GFRA3: variants seen among roughly 807,000 people sequenced by gnomAD.
GFRA3 encodes the protein GDNF family receptor alpha-3.
GFRA3 carries 24 observed loss-of-function variants against 40.0 expected under a neutral mutation model. The ratio of observed to expected loss-of-function variants is 0.60; its 90% CI spans 0.43 to 0.84. The LOEUF is 0.84. GFRA3 is among the 40% of genes least tolerant of loss of function. The probability of loss-of-function intolerance (pLI) is 0.00; values close to 1 mark genes in which losing one functional copy is unlikely to be tolerated. For synonymous variants in GFRA3, 203 were observed against 213.5 expected (o/e 0.95, Z 0.43); for missense variants, 405 against 530.6 (o/e 0.76, Z 2.33).
At chr5:138,271,913 T>TGTGTGTGTGTGTG (rs1554111239) in intron 1 of GFRA3, among the ~76,000 whole-genome samples, 2 of 54,328 alleles carry the variant, frequency 3.7e-5, no homozygotes, top group Middle Eastern at 0.017. Context: ...TTTTTTTTTT[T>TGTGTGTGTGTGTG]TGTGTGTGTG....
intron 1 of GFRA3, among the ~76,000 whole-genome samples, chr5:138,266,001 C>CTCAT (rs1561652536): frequency 6.6e-6 from 1 of 152,150 alleles, no homozygotes; most frequent in African/African-American, 2.4e-5. Flanking sequence ...CAGCCAGTAC[C>CTCAT]TCATTGTTCT....
At chr5:138,256,946 CA>C (rs11439851) in intron 4 of GFRA3, among the ~76,000 whole-genome samples, 22 of 132,914 alleles carry the variant, frequency 1.7e-4, no homozygotes, top group Admixed American at 2.3e-4. Flanking sequence ...GACTCTGTCT[CA>C]AAAAAAAAAA....
At chr5:138,267,125 T>G (rs1342945704) in intron 1 of GFRA3, 10 of 195,570 alleles carry the variant, frequency 5.1e-5, no homozygotes, top group African/African-American at 1.9e-4. Context: ...GGTGACTATT[T>G]TTGCTATTCT....
chr5:138,257,465 T>TA (rs1755647837), intron 4 of GFRA3, among the ~76,000 whole-genome samples, 174 bp downstream of exon 4: 1 of 152,330 alleles, frequency 6.6e-6, no homozygotes, highest in African/African-American at 2.4e-5. Flanking sequence ...AAAAAAGACA[T>TA]ATATTCTTTT....
intron 1 of GFRA3, among the ~76,000 whole-genome samples, chr5:138,271,848 G>C (rs1755872850): frequency 7.0e-6 from 1 of 142,880 alleles, no homozygotes; most frequent in South Asian, 2.2e-4. Flanking sequence ...AAAATGCTGG[G>C]ATTATAGGCG....
Position 138,253,904 on chromosome 5 carries a change from T to C in GFRA3, c.890-4A>G, listed in dbSNP as rs1561648212. 2 of 1,613,130 alleles carry C rather than the reference T, an allele frequency of 1.2e-6. No homozygotes were observed. The highest frequency in any genetic ancestry group is 1.1e-5 in the South Asian group (1 of 91,042). The stretch of plus-strand genomic sequence containing the variant: ...AAGTTGGGGGTCATGGCAGTCCCTG[T>C]GAAGAGGGAAAGGGTAGTCAAGGCC... On this transcript the variant is annotated splice_region_variant and splice_polypyrimidine_tract_variant and intron_variant, in intron 5 of 7. Coordinates refer to ENST00000274721, the MANE Select transcript of GFRA3 (RefSeq NM_001496.4).
intron 2 of GFRA3, among the ~76,000 whole-genome samples, chr5:138,262,269 C>T (rs1209818694): frequency 6.6e-6 from 1 of 152,122 alleles, no homozygotes; most frequent in East Asian, 1.9e-4. Flanking sequence ...GAGGAAGGAC[C>T]TTTCCAGAGG....
At position 138,253,767 on chromosome 5, in the gene GFRA3, G is replaced by A. The variant is rs199863001; in HGVS notation, c.1023C>T (p.Leu341=). 4.0e-5 allele frequency: 65 copies of A among 1,613,664 alleles called. 1 individual carries two copies. The highest frequency in any genetic ancestry group is 1.6e-4 in the Middle Eastern group (1 of 6,076). ...LEGFFSHNPC[L]TEAIAAKMRF... ...TGGGAGCAAGTACAGCACACTCACT[G>A]AGGCAGGGGTTGTGGGAGAAGAACC... Residue 341 remains leucine, a splice_region_variant and synonymous_variant, in exon 6 of 8, where the codon CTC becomes CTT. Coordinates refer to ENST00000274721, the MANE Select transcript of GFRA3 (RefSeq NM_001496.4).
intron 1 of GFRA3, among the ~76,000 whole-genome samples, chr5:138,271,905 T>TGTGTGTGTGTGTG (rs1468208782): frequency 9.3e-4 from 90 of 96,924 alleles, no homozygotes; most frequent in Admixed American, 2.6e-3. Context: ...TTTTTTTTTT[T>TGTGTGTGTGTGTG]TTTTTTTTTG....
In GFRA3 at chr5:138,274,356, C is replaced by A; in HGVS notation, c.69G>T (p.Pro23=). Residue 23 remains proline (P), a synonymous_variant, in exon 1 of 8, where the codon CCG becomes CCT. Coordinates refer to ENST00000274721, the MANE Select transcript of GFRA3 (RefSeq NM_001496.4). ...CACCGGCTGCGAGAGGCAGCGGCGA[C>A]GGCGGCAGCAGCAGCAGCAACATCA... ...VVLMLLLLLP[P]SPLPLAAGDP... is the part of the protein sequence containing the mutation. 7.5e-7 allele frequency: 1 copy of A among 1,338,160 alleles called. No homozygotes were observed. Among genetic ancestry groups the A allele is most frequent in the Non-Finnish European group, 9.6e-7 (1 of 1,040,040 alleles). 82.9% of individuals were successfully genotyped at this position (1,338,160 alleles called of 1,614,324 possible). A position where few individuals can be genotyped will look rare whatever the true frequency, so the allele number is the denominator to read the frequency against.
chr5:138,265,284 T>C (rs1755767808), intron 1 of GFRA3, among the ~76,000 whole-genome samples: 1 of 150,844 alleles, frequency 6.6e-6, no homozygotes, highest in Non-Finnish European at 1.5e-5. Flanking sequence ...TGGCGTGATC[T>C]TGGCTCAACG....
intron 1 of GFRA3, among the ~76,000 whole-genome samples, chr5:138,270,428 G>A (rs1039281044): frequency 6.6e-6 from 1 of 151,608 alleles, no homozygotes; most frequent in Admixed American, 6.6e-5. Context: ...AGATGAGATT[G>A]GAGACTATTA....
intron 2 of GFRA3, among the ~76,000 whole-genome samples, chr5:138,261,693 C>CAAAAAAAAAAAAAAAAAA (rs70979598): frequency 2.2e-5 from 1 of 46,348 alleles, no homozygotes; most frequent in African/African-American, 9.0e-5. Flanking sequence ...GACTCTGTCT[C>CAAAAAAAAAAAAAAAAAA]AAAAAAAAAA....
In GFRA3 at chr5:138,253,286, C is replaced by A; in HGVS notation, c.1113+1G>T. ...GAGGGGTGTAACAGAGGAGGCCCTA[C>A]CTGGTGTGCCATCACAGCAAAGGTA... On this transcript the variant is annotated splice_donor_variant, in intron 7 of 7. Transcript: ENST00000274721. LOFTEE classifies it high-confidence loss of function. 2 of 1,574,626 alleles carry A rather than the reference C, an allele frequency of 1.3e-6. No homozygotes were observed. The highest frequency in any genetic ancestry group is 8.7e-7 in the Non-Finnish European group (1 of 1,153,038).
chr5:138,259,062 G>T (rs547736257), intron 3 of GFRA3, among the ~76,000 whole-genome samples: 3 of 152,246 alleles, frequency 2.0e-5, no homozygotes, highest in African/African-American at 7.2e-5. Flanking sequence ...TGAAAAACAT[G>T]CAACACAGTC....
intron 1 of GFRA3, among the ~76,000 whole-genome samples, chr5:138,268,082 C>T (rs977481556): frequency 1.3e-5 from 2 of 151,760 alleles, no homozygotes; most frequent in African/African-American, 4.8e-5. Context: ...GTCAGGAGTT[C>T]GAGACTAGCC....
At chr5:138,263,361 C>A (rs1755738434) in intron 2 of GFRA3, among the ~76,000 whole-genome samples, 1 of 152,172 alleles carries the variant, frequency 6.6e-6, no homozygotes, top group Non-Finnish European at 1.5e-5. Context: ...AATACTTTGA[C>A]AATGGTAGAT....
intron 2 of GFRA3, among the ~76,000 whole-genome samples, chr5:138,261,287 T>C (rs925779292): frequency 3.3e-5 from 5 of 152,336 alleles, no homozygotes; most frequent in Middle Eastern, 3.4e-3. Flanking sequence ...TATGTCTTGA[T>C]TGCTATTGGC....
intron 3 of GFRA3, among the ~76,000 whole-genome samples, chr5:138,258,472 G>A (rs1418206157): frequency 1.3e-5 from 2 of 151,972 alleles, no homozygotes; most frequent in Admixed American, 6.6e-5. Flanking sequence ...ATGAACCGCC[G>A]CGCCCGGCAC....
Sources: allele counts gnomAD v4.1 joint callset (sites outside exome capture counted in the v4.1 genomes callset), GRCh38; gene constraint gnomAD v4.1.1; transcripts MANE v1.5; gene names NCBI Gene and HGNC (gene_info 2026-07-23, HGNC 2026-07-21).